Variants in SPAG16 observed in about 807,000 individuals in gnomAD.
The protein encoded by SPAG16 is sperm-associated antigen 16 protein.
In SPAG16, 86 loss-of-function variants were observed where a neutral mutation model predicts 80.4. The ratio of observed to expected loss-of-function variants is 1.07; its 90% CI spans 0.90 to 1.28. SPAG16 has a LOEUF of 1.28. SPAG16 is among the 50% of genes most tolerant of loss of function. The pLI is 0.00. For missense variants in SPAG16, 870 were observed against 765.3 expected (o/e 1.14, Z -1.61); for synonymous variants, 294 against 265.9 (o/e 1.11, Z -1.03).
At chr2:214,070,336 C>A (rs946718352) in intron 13 of SPAG16, among the ~76,000 whole-genome samples, 1 of 151,820 alleles carries the variant, frequency 6.6e-6, no homozygotes, top group Non-Finnish European at 1.5e-5. Flanking sequence ...TTCTGTAATT[C>A]TTGTTTGTTT....
At chr2:213,920,386 A>G (rs975238357) in intron 11 of SPAG16, among the ~76,000 whole-genome samples, 1 of 152,310 alleles carries the variant, frequency 6.6e-6, no homozygotes. Flanking sequence ...ACTGGTCTGT[A>G]TACTGGCAGG....
chr2:214,306,201 G>T (rs938134018), intron 15 of SPAG16, among the ~76,000 whole-genome samples: 1 of 152,118 alleles, frequency 6.6e-6, no homozygotes, highest in Non-Finnish European at 1.5e-5. Context: ...GTATTGGAAT[G>T]ATAGTGAATT....
intron 15 of SPAG16, among the ~76,000 whole-genome samples, chr2:214,383,486 G>A (rs1700572676): frequency 1.3e-5 from 2 of 151,580 alleles, no homozygotes; most frequent in East Asian, 2.0e-4. Flanking sequence ...CATGCCAATC[G>A]CTGGAGCTGG....
Position 214,040,186 on chromosome 2 carries a change from T to A in SPAG16, c.1527+26109T>A, listed in dbSNP as rs761317696. 7.9e-5 allele frequency among the ~76,000 whole-genome samples: 12 copies of A among 152,194 alleles called. 1 individual carries two copies. Among genetic ancestry groups the A allele is most frequent in the Admixed American group, 2.6e-4 (4 of 15,278 alleles). ...GAATAATGGCTGGCAATTGCTTATG[T>A]CTACACCTTAGCAGAATTCAGGCCC... On this transcript the variant is annotated intron_variant, in intron 13 of 15. Transcript: ENST00000331683.
At chr2:213,537,758 T>C (rs1264486222) in intron 10 of SPAG16, among the ~76,000 whole-genome samples, 1 of 152,190 alleles carries the variant, frequency 6.6e-6, no homozygotes. Context: ...GGTTTTACAG[T>C]CTGTTAAGGA....
chr2:213,946,592 G>A (rs986201456), intron 12 of SPAG16, among the ~76,000 whole-genome samples: 5 of 152,000 alleles, frequency 3.3e-5, no homozygotes, highest in Admixed American at 6.5e-5. Context: ...AAATTTTCCC[G>A]GTGATAATAT....
At position 213,853,138 on chromosome 2, in the gene SPAG16, C is replaced by A. The variant is rs575400515; in HGVS notation, c.1071-9347C>A. ...TCTTCTGCTGTGGCAATAATTAGAGCCTGTGAACTGAAGTGAAGGAAACAT... is the reference window on the plus strand; with the variant it reads ...TCTTCTGCTGTGGCAATAATTAGAGACTGTGAACTGAAGTGAAGGAAACAT... On this transcript the variant is annotated intron_variant, in intron 10 of 15. Coordinates refer to ENST00000331683, the MANE Select transcript of SPAG16 (RefSeq NM_024532.5). 6.6e-5 allele frequency among the ~76,000 whole-genome samples: 10 copies of A among 152,266 alleles called. No homozygotes were observed. The South Asian group carries it at 2.1e-3, about 32-fold the overall frequency.
intron 10 of SPAG16, among the ~76,000 whole-genome samples, chr2:213,635,202 T>C (rs2062315167): frequency 6.6e-6 from 1 of 151,760 alleles, no homozygotes; most frequent in African/African-American, 2.4e-5. Flanking sequence ...GCCTGGCTAA[T>C]TTTTTTGTAT....
At chr2:213,561,913 A>G (rs113990585) in intron 10 of SPAG16, among the ~76,000 whole-genome samples, 3,066 of 152,152 alleles carry the variant, frequency 0.02, 44 homozygotes, top group Middle Eastern at 0.051. Flanking sequence ...TTGTATTCCT[A>G]TCTGATGTGC....
At chr2:213,979,461 G>T (rs1198276143) in intron 12 of SPAG16, among the ~76,000 whole-genome samples, 1 of 152,032 alleles carries the variant, frequency 6.6e-6, no homozygotes, top group Non-Finnish European at 1.5e-5. Context: ...GTTCTGCATT[G>T]CTGGGGAGGC....
chr2:213,334,252 G>C (rs1003056330), intron 5 of SPAG16, among the ~76,000 whole-genome samples: 2 of 152,144 alleles, frequency 1.3e-5, no homozygotes, highest in African/African-American at 4.8e-5. Context: ...TCAAAACTAT[G>C]ATGAGCTGTC....
chr2:214,384,470 T>C (rs1378531052), intron 15 of SPAG16, among the ~76,000 whole-genome samples: 1 of 152,176 alleles, frequency 6.6e-6, no homozygotes, highest in Non-Finnish European at 1.5e-5. Flanking sequence ...GGAAACTGTG[T>C]TGGGTTTCAG....
intron 12 of SPAG16, among the ~76,000 whole-genome samples, chr2:213,969,782 G>A (rs1180786731): frequency 6.6e-6 from 1 of 151,754 alleles, no homozygotes; most frequent in Non-Finnish European, 1.5e-5. Context: ...CTGAGCTCAG[G>A]TGTCAGTTTA....
chr2:213,763,179 G>A (rs2068752330), intron 10 of SPAG16, among the ~76,000 whole-genome samples: 1 of 152,074 alleles, frequency 6.6e-6, no homozygotes, highest in African/African-American at 2.4e-5. Context: ...TTGTGTTAGT[G>A]TGAATGTAAA....
At chr2:213,459,619 G>T (rs1361781578) in intron 9 of SPAG16, among the ~76,000 whole-genome samples, 2 of 152,192 alleles carry the variant, frequency 1.3e-5, no homozygotes, top group Non-Finnish European at 2.9e-5. Context: ...TTCAGCTTCA[G>T]TTGTAGTCCT....
At chr2:213,370,330 A>T (rs1419854805) in intron 8 of SPAG16, among the ~76,000 whole-genome samples, 1 of 152,230 alleles carries the variant, frequency 6.6e-6, no homozygotes, top group Non-Finnish European at 1.5e-5. Context: ...ATATATGCAA[A>T]GAAAAAATAT....
chr2:213,635,403 T>C (rs541882743), intron 10 of SPAG16, among the ~76,000 whole-genome samples: 2 of 152,306 alleles, frequency 1.3e-5, no homozygotes, highest in East Asian at 1.9e-4. Flanking sequence ...TTTCATTTAA[T>C]GACTTCTTTT....
chr2:213,399,174 T>A (rs1248978325), intron 9 of SPAG16, among the ~76,000 whole-genome samples: 1 of 152,094 alleles, frequency 6.6e-6, no homozygotes, highest in Admixed American at 6.5e-5. Flanking sequence ...TAGAAGTGGT[T>A]AAATAGTGGT....
chr2:214,113,251 T>A (rs929232200), intron 14 of SPAG16, among the ~76,000 whole-genome samples: 2 of 152,182 alleles, frequency 1.3e-5, no homozygotes, highest in East Asian at 1.9e-4. Context: ...GCCCTTAACA[T>A]TTTTTCCTTC....
Sources: gnomAD v4.1 joint callset for allele counts (sites outside exome capture counted in the v4.1 genomes callset) on GRCh38, gnomAD v4.1.1 for gene constraint, MANE v1.5 for transcripts, NCBI Gene and HGNC (gene_info 2026-07-23, HGNC 2026-07-21) for gene names.